The following CACNA2D1 variants were observed in gnomAD, a reference collection of about 807,000 sequenced individuals.
CACNA2D1 encodes the protein calcium voltage-gated channel auxiliary subunit alpha2delta 1, also known as voltage-dependent calcium channel subunit alpha-2/delta-1.
Under a neutral mutation model 171.5 loss-of-function variants are expected in CACNA2D1, and 53 were observed. The observed-to-expected ratio is 0.31, with a 90% CI of 0.25 to 0.39. The LOEUF (loss-of-function observed/expected upper bound fraction) is 0.39. CACNA2D1 is among the 10% of genes least tolerant of loss of function. The probability of loss-of-function intolerance (pLI) is 1.00; values close to 1 mark genes in which losing one functional copy is unlikely to be tolerated. For missense variants in CACNA2D1, 903 were observed against 1,299.8 expected (o/e 0.69, Z 4.69); for synonymous variants, 442 against 443.1 (o/e 1.00, Z 0.03).
intron 38 of CACNA2D1, among the ~76,000 whole-genome samples, chr7:81,955,029 A>G (rs1922060): frequency 6.6e-6 from 1 of 151,894 alleles, no homozygotes; most frequent in Non-Finnish European, 1.5e-5. Context: ...GGGTTTGCAT[A>G]AAATAATAAA....
At chr7:82,352,878 G>A (rs901793960) in intron 1 of CACNA2D1, among the ~76,000 whole-genome samples, 1 of 152,132 alleles carries the variant, frequency 6.6e-6, no homozygotes, top group Non-Finnish European at 1.5e-5. Flanking sequence ...GTCCAAGCTT[G>A]GTTCAGCAAA....
At chr7:82,067,063 G>A (rs932223603) in intron 7 of CACNA2D1, among the ~76,000 whole-genome samples, 35 of 152,072 alleles carry the variant, frequency 2.3e-4, no homozygotes, top group Admixed American at 1.8e-3. Flanking sequence ...TTGTAATGAT[G>A]TGAAGTAATT....
chr7:82,278,348 G>T (rs945825990), intron 3 of CACNA2D1, among the ~76,000 whole-genome samples: 3 of 152,004 alleles, frequency 2.0e-5, no homozygotes, highest in African/African-American at 7.2e-5. Flanking sequence ...GGAGGCCAAG[G>T]CAGGCAGATC....
chr7:82,302,842 C>T (rs114994380), intron 3 of CACNA2D1, among the ~76,000 whole-genome samples: 3,122 of 152,204 alleles, frequency 0.021, 84 homozygotes, highest in Middle Eastern at 0.061. Flanking sequence ...ATATAATTGT[C>T]TACTAAAGGG....
chr7:81,950,402 CG>C lies in CACNA2D1; in HGVS notation c.3265del (p.Arg1089AlafsTer12). On this transcript the variant is annotated frameshift_variant, in exon 39 of 39. Transcript: ENST00000356860. LOFTEE classifies it high-confidence loss of function. ...TTGGTTTTTAGAAGGTCATAACAGG[CG>C]GTGTGTGCTGCCAGATACCAGCCAA... ...LLWLVSGSTH[R>X]LL 2 of 1,613,050 alleles carry C rather than the reference CG, an allele frequency of 1.2e-6. No individual in the cohort carries two copies. Among genetic ancestry groups the C allele is most frequent in the African/African-American group, 2.7e-5 (2 of 74,884 alleles).
At chr7:82,236,512 T>C (rs1265815404) in intron 3 of CACNA2D1, among the ~76,000 whole-genome samples, 1 of 152,088 alleles carries the variant, frequency 6.6e-6, no homozygotes, top group African/African-American at 2.4e-5. Flanking sequence ...AAGAGCACAT[T>C]CCCTGTGATA....
At chr7:82,197,090 CTTAA>C (rs1798928975) in intron 3 of CACNA2D1, among the ~76,000 whole-genome samples, 1 of 151,666 alleles carries the variant, frequency 6.6e-6, no homozygotes, top group African/African-American at 2.4e-5. Flanking sequence ...AAATAAATGC[CTTAA>C]TTGTTTTGAC....
intron 5 of CACNA2D1, among the ~76,000 whole-genome samples, chr7:82,134,992 C>A (rs1252718063): frequency 1.3e-5 from 2 of 151,984 alleles, no homozygotes; most frequent in Non-Finnish European, 2.9e-5. Context: ...AGAAAATCAC[C>A]AATTTCAATG....
chr7:82,282,359 C>T (rs929526015), intron 3 of CACNA2D1, among the ~76,000 whole-genome samples: 6 of 152,020 alleles, frequency 3.9e-5, no homozygotes, highest in Non-Finnish European at 7.4e-5. Context: ...TCGGATCCAC[C>T]GAGTGATCTA....
chr7:81,982,424 T>G (rs1796536637), intron 24 of CACNA2D1, 143 bp downstream of exon 24: 2 of 647,740 alleles, frequency 3.1e-6, no homozygotes, highest in Middle Eastern at 4.0e-4. Context: ...AATAAAGATT[T>G]TGTTTCAGTT....
intron 3 of CACNA2D1, among the ~76,000 whole-genome samples, chr7:82,262,006 T>A (rs1211491001): frequency 6.6e-6 from 1 of 152,230 alleles, no homozygotes; most frequent in African/African-American, 2.4e-5. Context: ...GCTCACTGAC[T>A]TATATGCAAC....
At chr7:82,380,746 G>A (rs117150473) in intron 1 of CACNA2D1, among the ~76,000 whole-genome samples, 22,292 of 152,030 alleles carry the variant, frequency 0.15, 1,796 homozygotes, top group South Asian at 0.26. Context: ...CCACACTGGT[G>A]TGCGGTGGCA....
At chr7:82,193,096 G>A (rs913511856) in intron 3 of CACNA2D1, among the ~76,000 whole-genome samples, 2 of 151,800 alleles carry the variant, frequency 1.3e-5, no homozygotes, top group African/African-American at 2.4e-5. Flanking sequence ...TCAAGGGGTC[G>A]TACAAGGATT....
At chr7:82,387,323 G>T (rs1824521455) in intron 1 of CACNA2D1, among the ~76,000 whole-genome samples, 1 of 151,846 alleles carries the variant, frequency 6.6e-6, no homozygotes, top group South Asian at 2.1e-4. Flanking sequence ...ATTCTTAGTT[G>T]TTATTCCAAT....
At chr7:82,202,443 G>T (rs930078358) in intron 3 of CACNA2D1, among the ~76,000 whole-genome samples, 4 of 152,108 alleles carry the variant, frequency 2.6e-5, no homozygotes, top group Admixed American at 2.6e-4. Context: ...ATTGGTTGTG[G>T]TGGCCGGTGG....
chr7:81,970,945 G>A (rs960846912), intron 26 of CACNA2D1: 15 of 552,406 alleles, frequency 2.7e-5, no homozygotes, highest in Non-Finnish European at 4.2e-5. Context: ...TAATGACTGA[G>A]GTGCATTTTG....
chr7:82,011,280 T>TA (rs909172328), intron 15 of CACNA2D1, among the ~76,000 whole-genome samples: 1 of 152,024 alleles, frequency 6.6e-6, no homozygotes, highest in Non-Finnish European at 1.5e-5. Context: ...TTGAGATTTT[T>TA]AAAAAAGCAA....
chr7:82,278,529 G>T (rs1182738417), intron 3 of CACNA2D1, among the ~76,000 whole-genome samples: 1 of 137,064 alleles, frequency 7.3e-6, no homozygotes, highest in Non-Finnish European at 1.5e-5. Flanking sequence ...CTGCACTCCA[G>T]CCTGAGAGAC....
At chr7:82,166,236 C>G (rs1179099021) in intron 4 of CACNA2D1, among the ~76,000 whole-genome samples, 1 of 151,920 alleles carries the variant, frequency 6.6e-6, no homozygotes, top group Non-Finnish European at 1.5e-5. Context: ...AAAGCTATAA[C>G]TGGAGAACTA....
Sources: gnomAD v4.1 joint callset for allele counts (sites outside exome capture counted in the v4.1 genomes callset) on GRCh38, gnomAD v4.1.1 for gene constraint, MANE v1.5 for transcripts, NCBI Gene and HGNC (gene_info 2026-07-23, HGNC 2026-07-21) for gene names.